Variants in SH3GL2 observed in about 807,000 individuals in gnomAD.
SH3GL2 encodes endophilin-A1.
SH3GL2 carries 24 observed loss-of-function variants against 46.0 expected under a neutral mutation model. The ratio of observed to expected loss-of-function variants is 0.52; its 90% CI spans 0.38 to 0.73. The LOEUF is 0.73. SH3GL2 is among the 30% of genes least tolerant of loss of function. The pLI, the probability that SH3GL2 is intolerant of heterozygous loss-of-function variation, is 0.00. For missense variants in SH3GL2, 413 were observed against 424.2 expected (o/e 0.97, Z 0.23); for synonymous variants, 196 against 147.1 (o/e 1.33, Z -2.40).
intron 3 of SH3GL2, among the ~76,000 whole-genome samples, chr9:17,762,044 G>A (rs115212511): frequency 7.8e-4 from 119 of 152,250 alleles, no homozygotes; most frequent in African/African-American, 2.7e-3. Flanking sequence ...AGAAAAAGAA[G>A]TGGTAATAGA....
chr9:17,795,399 C>G, intron 8 of SH3GL2, 145 bp from the exon 9 acceptor site: 1 of 636,994 alleles, frequency 1.6e-6, no homozygotes, highest in Non-Finnish European at 2.8e-6. Flanking sequence ...GGTCCAGTAG[C>G]AAGAAGAAGC....
intron 1 of SH3GL2, among the ~76,000 whole-genome samples, chr9:17,736,546 C>G (rs760774162): frequency 1.4e-4 from 21 of 152,042 alleles, no homozygotes; most frequent in Non-Finnish European, 2.5e-4. Context: ...AGCATGGTGC[C>G]AGTAGCTTCC....
intron 1 of SH3GL2, among the ~76,000 whole-genome samples, chr9:17,581,835 A>C (rs141982348): frequency 5.7e-4 from 87 of 152,212 alleles, no homozygotes; most frequent in African/African-American, 2.1e-3. Context: ...AGTAGCTGGG[A>C]TTATAGGCAT....
At chr9:17,608,297 A>C (rs532579216) in intron 1 of SH3GL2, among the ~76,000 whole-genome samples, 7 of 151,774 alleles carry the variant, frequency 4.6e-5, no homozygotes, top group Non-Finnish European at 1.0e-4. Flanking sequence ...ACAGGCGCCC[A>C]CCACCACACC....
At chr9:17,714,596 G>A (rs981970035) in intron 1 of SH3GL2, among the ~76,000 whole-genome samples, 5 of 151,702 alleles carry the variant, frequency 3.3e-5, no homozygotes, top group Non-Finnish European at 7.4e-5. Flanking sequence ...CACAGTTTAA[G>A]TGATATTTAG....
chr9:17,700,498 G>T (rs1197179792), intron 1 of SH3GL2, among the ~76,000 whole-genome samples: 1 of 152,212 alleles, frequency 6.6e-6, no homozygotes, highest in Non-Finnish European at 1.5e-5. Flanking sequence ...CTGGATTCCT[G>T]TGGTTAGGTT....
At chr9:17,729,643 T>C (rs113513493) in intron 1 of SH3GL2, among the ~76,000 whole-genome samples, 20 of 152,300 alleles carry the variant, frequency 1.3e-4, no homozygotes, top group Middle Eastern at 3.4e-3. Context: ...TTGTATAAGG[T>C]GTAAGGAAGG....
At chr9:17,610,084 T>C (rs1304565645) in intron 1 of SH3GL2, among the ~76,000 whole-genome samples, 1 of 152,232 alleles carries the variant, frequency 6.6e-6, no homozygotes, top group African/African-American at 2.4e-5. Flanking sequence ...GTTTTAACTC[T>C]GTGAGTCTGG....
At chr9:17,638,470 G>A (rs1819598429) in intron 1 of SH3GL2, among the ~76,000 whole-genome samples, 1 of 152,230 alleles carries the variant, frequency 6.6e-6, no homozygotes, top group Non-Finnish European at 1.5e-5. Context: ...AAACATTGTT[G>A]TGAAAGTATC....
intron 1 of SH3GL2, among the ~76,000 whole-genome samples, chr9:17,724,019 G>A (rs192410872): frequency 6.6e-6 from 1 of 151,972 alleles, no homozygotes; most frequent in African/African-American, 2.4e-5. Flanking sequence ...GTATAGATTA[G>A]CATTTTTCAT....
At chr9:17,783,783 T>C (rs761317804) in intron 3 of SH3GL2, among the ~76,000 whole-genome samples, 1 of 152,080 alleles carries the variant, frequency 6.6e-6, no homozygotes, top group Non-Finnish European at 1.5e-5. Flanking sequence ...CACCTAGAAG[T>C]AGATTCATGG....
At chr9:17,784,614 T>C (rs1823903294) in intron 3 of SH3GL2, among the ~76,000 whole-genome samples, 1 of 152,198 alleles carries the variant, frequency 6.6e-6, no homozygotes, top group African/African-American at 2.4e-5. Context: ...CTCCTCACTA[T>C]ATTGTGAGCA....
At chr9:17,581,561 C>A (rs906320770) in intron 1 of SH3GL2, among the ~76,000 whole-genome samples, 1 of 152,176 alleles carries the variant, frequency 6.6e-6, no homozygotes, top group Non-Finnish European at 1.5e-5. Context: ...GAGAAATAGT[C>A]CTGTCCTACT....
intron 3 of SH3GL2, among the ~76,000 whole-genome samples, chr9:17,770,163 A>G (rs139092490): frequency 3.6e-4 from 55 of 152,306 alleles, no homozygotes; most frequent in African/African-American, 1.3e-3. Flanking sequence ...ATATTTCACA[A>G]TTGCTTTGGG....
At position 17,632,270 on chromosome 9, in the gene SH3GL2, G is replaced by A. The variant is rs142024088; in HGVS notation, c.45+52983G>A. ...GTCATACAACAACCTATCCATGGCA[G>A]TAGAGAAAAATAATTAAAAAATGCA... On this transcript the variant is annotated intron_variant, in intron 1 of 8. Transcript: ENST00000380607. Among the ~76,000 whole-genome samples, 5 of 152,278 alleles carry A rather than the reference G, an allele frequency of 3.3e-5. No individual in the cohort carries two copies. In the East Asian group the frequency reaches 7.7e-4, roughly 23 times the overall value.
At chr9:17,593,946 C>G (rs1219492709) in intron 1 of SH3GL2, among the ~76,000 whole-genome samples, 1 of 152,182 alleles carries the variant, frequency 6.6e-6, no homozygotes, top group East Asian at 1.9e-4. Flanking sequence ...CCTCCTCACA[C>G]CCACATTTTC....
chr9:17,607,580 C>T (rs1012797994), intron 1 of SH3GL2, among the ~76,000 whole-genome samples: 2 of 152,256 alleles, frequency 1.3e-5, no homozygotes, highest in African/African-American at 4.8e-5. Context: ...CTATGCGGCA[C>T]GTGGCTGTAT....
In SH3GL2 at chr9:17,789,136, G is replaced by T. The variant is rs185780947; in HGVS notation, c.466-256G>T. ...TCCAGCTTGGCTTTGGCCTGACAAGGCCAGAAAATAAAGGGCACTGATATT... is the reference window on the plus strand; with the variant it reads ...TCCAGCTTGGCTTTGGCCTGACAAGTCCAGAAAATAAAGGGCACTGATATT... On this transcript the variant is annotated intron_variant, in intron 5 of 8. Coordinates refer to ENST00000380607, the MANE Select transcript of SH3GL2 (RefSeq NM_003026.5). 7.3e-4 allele frequency among the ~76,000 whole-genome samples: 111 copies of T among 152,238 alleles called. 2 individuals carry two copies. In the East Asian group the frequency reaches 0.02, roughly 28 times the overall value.
chr9:17,719,884 G>A (rs1377080783), intron 1 of SH3GL2, among the ~76,000 whole-genome samples: 2 of 150,134 alleles, frequency 1.3e-5, no homozygotes, highest in Non-Finnish European at 3.0e-5. Context: ...TTGATTTCAT[G>A]TATCACCTGT....
Sources: gnomAD v4.1 joint callset for allele counts (sites outside exome capture counted in the v4.1 genomes callset) on GRCh38, gnomAD v4.1.1 for gene constraint, MANE v1.5 for transcripts, NCBI Gene and HGNC (gene_info 2026-07-23, HGNC 2026-07-21) for gene names.